The following AGO1 variants were observed in gnomAD, a reference collection of about 807,000 sequenced individuals.
AGO1 encodes the protein protein argonaute-1.
Under a neutral mutation model 109.2 loss-of-function variants are expected in AGO1, and 11 were observed. The ratio of observed to expected loss-of-function variants is 0.10; its 90% CI spans 0.06 to 0.17. The LOEUF (loss-of-function observed/expected upper bound fraction) is 0.17. Among genes scored for constraint, AGO1 ranks in the 10% least tolerant of loss-of-function variants. The pLI, the probability that AGO1 is intolerant of heterozygous loss-of-function variation, is 1.00. For missense variants in AGO1, 574 were observed against 1,140.3 expected, an observed-to-expected ratio of 0.50 and a Z score of 7.15; for synonymous variants, 422 against 418.6, an observed-to-expected ratio of 1.01 and a Z score of -0.10.
chr1:35,904,955 G>C (rs1196776435), intron 11 of AGO1, among the ~76,000 whole-genome samples: 3 of 152,154 alleles, frequency 2.0e-5, no homozygotes, highest in Non-Finnish European at 4.4e-5. Context: ...ACTAGTAGTT[G>C]GGGGATGATG....
intron 11 of AGO1, among the ~76,000 whole-genome samples, chr1:35,903,449 G>T (rs1037794602): frequency 2.0e-5 from 3 of 152,088 alleles, no homozygotes; most frequent in Non-Finnish European, 4.4e-5. Context: ...CTGGAGTGGG[G>T]TCAATGCACT....
chr1:35,922,528 CT>C lies in AGO1; in HGVS notation c.*2925del. On this transcript the variant is annotated 3_prime_UTR_variant, in exon 19 of 19. Transcript: ENST00000373204. Reference sequence around the variant, plus strand: ...CCCTTTGTACCACTGTTTTGCCTTCCTTTTCCTCTTCTCTCTTTGCCTGGCT... The same window carrying C: ...CCCTTTGTACCACTGTTTTGCCTTCCTTTCCTCTTCTCTCTTTGCCTGGCT... 6.5e-6 allele frequency: 1 copy of C among 152,782 alleles called. No homozygotes were observed. The highest frequency in any genetic ancestry group is 1.5e-5 in the Non-Finnish European group (1 of 68,378). The allele number at this position is 152,782 out of a possible 1,614,324, so 9.5% of individuals were successfully genotyped here. A position where few individuals can be genotyped will look rare whatever the true frequency, so the allele number is the denominator to read the frequency against.
At chr1:35,878,657 T>C (rs938174530), upstream of AGO1, among the ~76,000 whole-genome samples, 1 of 152,224 alleles carries the variant, frequency 6.6e-6, no homozygotes, top group African/African-American at 2.4e-5. Flanking sequence ...CTCGGCCTCT[T>C]TCTCTTCTTA....
chr1:35,909,316 C>T (rs1313419452), intron 12 of AGO1, among the ~76,000 whole-genome samples: 1 of 152,200 alleles, frequency 6.6e-6, no homozygotes, highest in Admixed American at 6.5e-5. Flanking sequence ...TTGAAGAGAG[C>T]TGAATTTGAA....
chr1:35,918,808 G>A (rs764074321), intron 17 of AGO1, among the ~76,000 whole-genome samples: 3 of 152,102 alleles, frequency 2.0e-5, no homozygotes, highest in Non-Finnish European at 4.4e-5. Context: ...CACCCACCTT[G>A]GCCTCCCAAA....
chr1:35,892,482 G>A (rs1645238861), intron 2 of AGO1, 75 bp from the exon 3 acceptor site: 1 of 1,603,456 alleles, frequency 6.2e-7, no homozygotes, highest in South Asian at 1.1e-5. Flanking sequence ...GACATTGCCT[G>A]GACTTTGAAT....
rs1390406046 is a variant in AGO1 at position 35,893,764 on chromosome 1, C to T, written c.603C>T (p.His201=). Residue 201 remains histidine (H), a synonymous_variant, in exon 5 of 19, where the codon CAC becomes CAT. Transcript: ENST00000373204. This position sits in a 1 kb window ranked among gnomAD's most constrained non-coding sequence, Gnocchi z 5.6. ...GGGREVWFGF[H]QSVRPAMWKM... ...GGCGCGAGGTCTGGTTCGGCTTTCA[C>T]CAGTCTGTGCGCCCTGCCATGTGGA... is the stretch of plus-strand genomic sequence containing the variant. 1.2e-6 allele frequency: 2 copies of T among 1,614,004 alleles called. No individual in the cohort carries two copies. The highest frequency in any genetic ancestry group is 2.2e-5 in the South Asian group (2 of 91,082).
chr1:35,876,501 C>G (rs941251153), intron 1 of AGO1, among the ~76,000 whole-genome samples: 1 of 152,002 alleles, frequency 6.6e-6, no homozygotes, highest in Non-Finnish European at 1.5e-5. Flanking sequence ...CTCCAGACTT[C>G]GTGATCCGCC....
At chr1:35,887,197 C>T (rs1477773001) in intron 1 of AGO1, among the ~76,000 whole-genome samples, 1 of 151,928 alleles carries the variant, frequency 6.6e-6, no homozygotes, top group East Asian at 1.9e-4. Context: ...GGGAAGCTGC[C>T]CCTCCCATGA....
chr1:35,892,320 G>A (rs774850983), intron 2 of AGO1, among the ~76,000 whole-genome samples: 10 of 152,224 alleles, frequency 6.6e-5, no homozygotes, highest in Non-Finnish European at 1.3e-4. Context: ...TGTCACTTAG[G>A]AGCATGCTAG....
Position 35,923,326 on chromosome 1 carries a change from G to T in AGO1, c.*3719G>T, listed in dbSNP as rs1036208175. ...TGAATAAGGCCAGCACTCAAGATGGGCAGCCAAGGGTGCACTGACTATTAG... is the reference window on the plus strand; with the variant it reads ...TGAATAAGGCCAGCACTCAAGATGGTCAGCCAAGGGTGCACTGACTATTAG... On this transcript the variant is annotated 3_prime_UTR_variant, in exon 19 of 19. Coordinates refer to ENST00000373204, the MANE Select transcript of AGO1 (RefSeq NM_012199.5). 1 of 152,186 alleles carries T rather than the reference G, an allele frequency of 6.6e-6. No individual in the cohort carries two copies. Among genetic ancestry groups the T allele is most frequent in the African/African-American group, 2.4e-5 (1 of 41,446 alleles). The allele number at this position is 152,186 out of a possible 1,614,324, so 9.4% of individuals were successfully genotyped here. A position where few individuals can be genotyped will look rare whatever the true frequency, so the allele number is the denominator to read the frequency against.
At position 35,926,507 on chromosome 1, in the gene AGO1, G is replaced by T. The variant is rs1645930721; in HGVS notation, c.*6900G>T. 1 of 152,158 alleles carries T rather than the reference G, an allele frequency of 6.6e-6. No individual in the cohort carries two copies. The allele number at this position is 152,158 out of a possible 1,614,324, so 9.4% of individuals were successfully genotyped here. On this transcript the variant is annotated 3_prime_UTR_variant, in exon 19 of 19. Transcript: ENST00000373204. ...AATCTCATGGCAATTAGGATTTGGT[G>T]GCTAAACGAAAGAGTTAGTGCAAGG...
rs1645538844 is a variant in AGO1 at position 35,907,221 on chromosome 1, C to G, written c.1582+102C>G. The G allele has an allele frequency of 5.3e-6, 6 of 1,128,082 alleles. No individual in the cohort carries two copies. In the South Asian group the frequency reaches 9.7e-5, roughly 18 times the overall value. 69.9% of individuals were successfully genotyped at this position (1,128,082 alleles called of 1,614,324 possible). A position where few individuals can be genotyped will look rare whatever the true frequency, so the allele number is the denominator to read the frequency against. On this transcript the variant is annotated intron_variant, in intron 12 of 18. Transcript: ENST00000373204. The stretch of plus-strand genomic sequence containing the variant: ...CTCAGTCTGGATTCTTGGCTTTGAC[C>G]AGAGCTGTTACTTAATGTCAGTGCT...
At chr1:35,896,014 T>C (rs1645310726) in intron 8 of AGO1, among the ~76,000 whole-genome samples, 1 of 152,172 alleles carries the variant, frequency 6.6e-6, no homozygotes, top group Admixed American at 6.5e-5. Context: ...CTTTTTTTTT[T>C]TTGAGATGGA....
rs1262161642 is a variant in AGO1, at chr1:35,902,303, G to A, written c.1363G>A (p.Ala455Thr). 7.4e-6 allele frequency: 12 copies of A among 1,613,994 alleles called. No individual in the cohort carries two copies. The African/African-American group carries it at 8.0e-5, about 11-fold the overall frequency. Residue 455 changes from alanine to threonine, a missense_variant, in exon 11 of 19, where the codon GCA becomes ACA. Ala to Thr is a moderately conservative substitution (Grantham distance 58). This residue lies in a region of AGO1 where 106 missense variants were observed against 147.8 expected (regional missense o/e 0.72). Coordinates refer to ENST00000373204, the MANE Select transcript of AGO1 (RefSeq NM_012199.5). ...CAAAGTCTGGGCCATCGCCTGCTTCGCACCCCAAAAACAGTGTCGAGAAGA... is the reference window on the plus strand; with the variant it reads ...CAAAGTCTGGGCCATCGCCTGCTTCACACCCCAAAAACAGTGTCGAGAAGA... The part of the protein sequence containing the change: ...EIKVWAIACF[A>T]PQKQCREEVL...
In AGO1 at chr1:35,920,681, C is replaced by T. The variant is rs1294910497; in HGVS notation, c.*1074C>T. ...CCTTTCCACTTATGCCTCCTTTTCT[C>T]CTTATTCCTCCTACCTCCCGCCCCG... On this transcript the variant is annotated 3_prime_UTR_variant, in exon 19 of 19. Transcript: ENST00000373204. 1.3e-5 allele frequency: 2 copies of T among 152,578 alleles called. No homozygotes were observed. The highest frequency in any genetic ancestry group is 4.8e-5 in the African/African-American group (2 of 41,432). 9.5% of individuals were successfully genotyped at this position (152,578 alleles called of 1,614,324 possible). A position where few individuals can be genotyped will look rare whatever the true frequency, so the allele number is the denominator to read the frequency against.
rs1053574204 is a variant in AGO1, at chr1:35,925,683, A to G, written c.*6076A>G. ...CACAGGATGAACTCAGAATTCCTGA[A>G]TCTTCAGGTAAGCAGATACTTAACT... is the stretch of plus-strand genomic sequence containing the variant. On this transcript the variant is annotated 3_prime_UTR_variant, in exon 19 of 19. Transcript: ENST00000373204. 2.6e-5 allele frequency: 4 copies of G among 151,986 alleles called. No homozygotes were observed. The highest frequency in any genetic ancestry group is 9.7e-5 in the African/African-American group (4 of 41,366). The allele number at this position is 151,986 out of a possible 1,614,324, so 9.4% of individuals were successfully genotyped here.
At chr1:35,904,745 A>G (rs1350780424) in intron 11 of AGO1, among the ~76,000 whole-genome samples, 2 of 152,234 alleles carry the variant, frequency 1.3e-5, no homozygotes, top group African/African-American at 4.8e-5. Flanking sequence ...TTTCCAAGTC[A>G]TCTATAGCAG....
intron 2 of AGO1, among the ~76,000 whole-genome samples, chr1:35,891,853 C>G (rs1645225171): frequency 6.6e-6 from 1 of 151,872 alleles, no homozygotes; most frequent in Non-Finnish European, 1.5e-5. Context: ...GCATGATCCA[C>G]TGCACCTGGC....
Sources: gnomAD v4.1 joint callset for allele counts (sites outside exome capture counted in the v4.1 genomes callset) on GRCh38, gnomAD v4.1.1 for gene constraint, gnomAD v4.1.1 regional missense constraint, Gnocchi (gnomAD v3.1) non-coding constraint, MANE v1.5 for transcripts, NCBI Gene and HGNC (gene_info 2026-07-23, HGNC 2026-07-21) for gene names.